The following MON2 variants were observed in gnomAD, a reference collection of about 807,000 sequenced individuals.
MON2 encodes the protein MON2 regulator of endosome-to-Golgi trafficking, also known as protein MON2 homolog.
MON2 carries 84 observed loss-of-function variants against 208.6 expected under a neutral mutation model. The ratio of observed to expected loss-of-function variants is 0.40; its 90% CI spans 0.34 to 0.48. The LOEUF (loss-of-function observed/expected upper bound fraction) is 0.48, where lower values mean the gene tolerates loss of function less well. Ranked by LOEUF, MON2 falls within the 20% of genes least tolerant of loss-of-function variation. MON2 has a pLI of 0.59. For missense variants in MON2, 1,611 were observed against 2,015.4 expected (o/e 0.80, Z 3.84); for synonymous variants, 660 against 694.0 (o/e 0.95, Z 0.77).
chr12:62,510,438 T>C (rs1252367581), intron 8 of MON2, among the ~76,000 whole-genome samples: 1 of 152,180 alleles, frequency 6.6e-6, no homozygotes, highest in African/African-American at 2.4e-5. Flanking sequence ...TTCCACGCCA[T>C]GACCAAGTGG....
chr12:62,560,408 C>T, intron 25 of MON2, 83 bp from the exon 26 acceptor site: 2 of 1,361,900 alleles, frequency 1.5e-6, no homozygotes, highest in Non-Finnish European at 2.0e-6. Flanking sequence ...AAAAATTAAG[C>T]AAATATGCTT....
intron 2 of MON2, among the ~76,000 whole-genome samples, chr12:62,486,523 C>G (rs1229385487): frequency 6.6e-6 from 1 of 152,096 alleles, no homozygotes; most frequent in Non-Finnish European, 1.5e-5. Flanking sequence ...TATATTTGCA[C>G]TTAAACTTTA....
chr12:62,557,454 A>G (rs1287626272), intron 25 of MON2, among the ~76,000 whole-genome samples: 1 of 152,220 alleles, frequency 6.6e-6, no homozygotes. Flanking sequence ...ATAACAAAGA[A>G]TTATACAACC....
chr12:62,576,358 G>T (rs73124314), intron 30 of MON2, among the ~76,000 whole-genome samples: 7,049 of 151,770 alleles, frequency 0.046, 192 homozygotes, highest in Middle Eastern at 0.075. Flanking sequence ...AGATCTTTTT[G>T]GGGGGGTGAT....
At chr12:62,495,583 G>A (rs993097244) in intron 4 of MON2, among the ~76,000 whole-genome samples, 15 of 151,024 alleles carry the variant, frequency 9.9e-5, no homozygotes, top group Non-Finnish European at 1.8e-4. Context: ...CCGGCTACTC[G>A]GGAGGCTGAG....
At position 62,556,113 on chromosome 12, in the gene MON2, A is replaced by G. The variant is rs1490601574; in HGVS notation, c.3330A>G (p.Gln1110=). Reference sequence around the variant, plus strand: ...ATTCAAGGGACACCGCCGAGAAGCAATGGGCTGAGACGTGGGTATTAACAT... The same window carrying G: ...ATTCAAGGGACACCGCCGAGAAGCAGTGGGCTGAGACGTGGGTATTAACAT... ...IHHSRDTAEK[Q]WAETWVLTLA... Residue 1110 remains glutamine (Q), a synonymous_variant, in exon 25 of 35, where the codon CAA becomes CAG. Transcript: ENST00000393630. The G allele has an allele frequency of 2.7e-5, 44 of 1,614,012 alleles. No individual in the cohort carries two copies. The highest frequency in any genetic ancestry group is 3.6e-5 in the Non-Finnish European group (43 of 1,180,020).
At chr12:62,469,898 ATTTATTTATTTATTTATTTATTTAT>A (rs1327272531) in intron 1 of MON2, among the ~76,000 whole-genome samples, 1 of 30,940 alleles carries the variant, frequency 3.2e-5, no homozygotes. Flanking sequence ...TTATTTATTT[ATTTATTTATTTATTTATTTATTTAT>A]TTGAGACAGG....
chr12:62,543,228 T>G (rs1485547096), intron 20 of MON2, 30 bp downstream of exon 20: 1 of 1,236,694 alleles, frequency 8.1e-7, no homozygotes, highest in Non-Finnish European at 1.1e-6. Context: ...TATATTTAAT[T>G]TTTTAATAAA....
intron 30 of MON2, among the ~76,000 whole-genome samples, chr12:62,574,741 G>C (rs1338245052): frequency 6.6e-6 from 1 of 152,090 alleles, no homozygotes; most frequent in African/African-American, 2.4e-5. Context: ...TAGATTGAGA[G>C]TCAGGAGACC....
intron 32 of MON2, among the ~76,000 whole-genome samples, 179 bp from the exon 33 acceptor site, chr12:62,585,087 ACACACACACACACACACACACACAAAAC>A (rs2075158413): frequency 2.7e-5 from 3 of 112,630 alleles, no homozygotes; most frequent in East Asian, 2.4e-4. Context: ...ACACACACAC[ACACACACACACACACACACACACAAAAC>A]AAAAAAAAAC....
chr12:62,578,451 TC>T lies in MON2; in HGVS notation c.4523del (p.Pro1508GlnfsTer19). 1 of 1,413,236 alleles carries T rather than the reference TC, an allele frequency of 7.1e-7. No individual in the cohort carries two copies. Among genetic ancestry groups the T allele is most frequent in the South Asian group, 1.3e-5 (1 of 76,876 alleles). The allele number at this position is 1,413,236 out of a possible 1,614,324, so 87.5% of individuals were successfully genotyped here. A position where few individuals can be genotyped will look rare whatever the true frequency, so the allele number is the denominator to read the frequency against. On this transcript the variant is annotated frameshift_variant, in exon 31 of 35. Transcript: ENST00000393630. LOFTEE classifies it high-confidence loss of function. Reference protein sequence around the residue: ...EDFLFTKSIPPDNLSIQEFQR... With the variant: ...EDFLFTKSIPXDNLSIQEFQR... Reference sequence around the variant, plus strand: ...AAGTGTTTTTTTTTTTTAGCATACCTCCAGATAATCTCTCTATTCAAGAGTT... The same window carrying T: ...AAGTGTTTTTTTTTTTTAGCATACCTCAGATAATCTCTCTATTCAAGAGTT...
intron 26 of MON2, 115 bp from the exon 27 acceptor site, chr12:62,565,122 T>C: frequency 9.8e-7 from 1 of 1,018,422 alleles, no homozygotes. Context: ...AAAGATGGTA[T>C]AATACATAAA....
At chr12:62,583,573 T>G (rs961929001) in intron 32 of MON2, among the ~76,000 whole-genome samples, 1 of 151,950 alleles carries the variant, frequency 6.6e-6, no homozygotes, top group Non-Finnish European at 1.5e-5. Context: ...AAATCAGGCA[T>G]GTCATTATGA....
At chr12:62,562,768 G>A (rs911930865) in intron 26 of MON2, among the ~76,000 whole-genome samples, 5 of 152,042 alleles carry the variant, frequency 3.3e-5, no homozygotes, top group African/African-American at 1.2e-4. Context: ...ACTGATTTCT[G>A]ATATCATGTT....
chr12:62,501,506 A>G (rs2070831239), intron 6 of MON2, 67 bp from the exon 7 acceptor site: 1 of 1,564,898 alleles, frequency 6.4e-7, no homozygotes, highest in African/African-American at 1.4e-5. Context: ...TTAAAGATTT[A>G]TGAACTGCGA....
At chr12:62,507,393 G>A (rs2136107607) in intron 7 of MON2, among the ~76,000 whole-genome samples, 1 of 150,372 alleles carries the variant, frequency 6.7e-6, no homozygotes, top group South Asian at 2.1e-4. Context: ...ATGGCTCACT[G>A]CAGCCTCAAC....
At chr12:62,515,641 C>T (rs1445499746) in intron 8 of MON2, among the ~76,000 whole-genome samples, 11 of 151,906 alleles carry the variant, frequency 7.2e-5, no homozygotes, top group African/African-American at 2.2e-4. Flanking sequence ...GGTGAAACCC[C>T]GTCTCTACTA....
At chr12:62,488,552 C>T (rs1460379913) in intron 2 of MON2, among the ~76,000 whole-genome samples, 16 of 152,008 alleles carry the variant, frequency 1.1e-4, no homozygotes, top group African/African-American at 3.9e-4. Flanking sequence ...GTGACACGTT[C>T]ATATTTATAT....
At chr12:62,468,581 T>C (rs1375014604) in intron 1 of MON2, among the ~76,000 whole-genome samples, 6 of 152,236 alleles carry the variant, frequency 3.9e-5, no homozygotes, top group Non-Finnish European at 5.9e-5. Flanking sequence ...TGTATTTCTT[T>C]AATAAAGTAT....
Sources: allele counts gnomAD v4.1 joint callset (sites outside exome capture counted in the v4.1 genomes callset), GRCh38; gene constraint gnomAD v4.1.1; transcripts MANE v1.5; gene names NCBI Gene and HGNC (gene_info 2026-07-23, HGNC 2026-07-21).